EYS: variants seen among roughly 807,000 people sequenced by gnomAD.
The protein encoded by EYS is EGF-like photoreceptor maintenance factor.
EYS carries 250 observed loss-of-function variants against 282.1 expected under a neutral mutation model. The ratio of observed to expected loss-of-function variants is 0.89; its 90% confidence interval spans 0.80 to 0.98. The LOEUF (loss-of-function observed/expected upper bound fraction) is 0.98, where lower values mean the gene tolerates loss of function less well. Among genes scored for constraint, EYS ranks in the 50% least tolerant of loss-of-function variants. The probability of loss-of-function intolerance (pLI) is 0.00; values close to 1 mark genes in which losing one functional copy is unlikely to be tolerated. For missense variants in EYS, 4,016 were observed against 3,709.0 expected, an observed-to-expected ratio of 1.08 and a Z score of -2.15; for synonymous variants, 1,355 against 1,282.9, an observed-to-expected ratio of 1.06 and a Z score of -1.20.
chr6:65,441,747 G>A (rs1000345370), intron 5 of EYS, among the ~76,000 whole-genome samples: 5 of 152,172 alleles, frequency 3.3e-5, no homozygotes, highest in South Asian at 2.1e-4. Context: ...AGAACTTGAA[G>A]GGACTAAATA....
intron 1 of EYS, among the ~76,000 whole-genome samples, chr6:65,678,394 G>C (rs1424472942): frequency 1.3e-5 from 2 of 151,908 alleles, no homozygotes; most frequent in African/African-American, 4.8e-5. Context: ...ACATGCCAAA[G>C]ATATTCAGAT....
Position 65,004,520 on chromosome 6 carries a change from C to T in EYS, c.2138-6817G>A, listed in dbSNP as rs906145890. On this transcript the variant is annotated intron_variant, in intron 13 of 42. Transcript: ENST00000503581. ...GCACTCATTGACATTGATCTCACAG[C>T]GTGGACCTGAAAAGCTGGCACACTG... 8.8e-5 allele frequency among the ~76,000 whole-genome samples: 13 copies of T among 147,754 alleles called. 1 individual carries two copies. Among genetic ancestry groups the T allele is most frequent in the South Asian group, 2.2e-4 (1 of 4,556 alleles).
intron 12 of EYS, among the ~76,000 whole-genome samples, chr6:65,071,286 T>C (rs190067976): frequency 2.0e-5 from 3 of 151,986 alleles, no homozygotes; most frequent in Admixed American, 1.3e-4. Flanking sequence ...AAGTTGTTAG[T>C]ATATAAACTA....
At chr6:64,101,232 A>G (rs931185259) in intron 31 of EYS, among the ~76,000 whole-genome samples, 1 of 151,902 alleles carries the variant, frequency 6.6e-6, no homozygotes, top group Non-Finnish European at 1.5e-5. Context: ...GAAGGTTTTC[A>G]GACTATCTTC....
At chr6:64,012,461 C>A (rs559398176) in intron 33 of EYS, among the ~76,000 whole-genome samples, 2 of 152,244 alleles carry the variant, frequency 1.3e-5, no homozygotes, top group Admixed American at 6.5e-5. Flanking sequence ...GAGATGGAGG[C>A]ACTGAAAGGA....
intron 12 of EYS, among the ~76,000 whole-genome samples, chr6:65,176,815 T>C (rs950823689): frequency 6.6e-6 from 1 of 151,736 alleles, no homozygotes; most frequent in African/African-American, 2.4e-5. Flanking sequence ...TAACATCATT[T>C]GAAATTATTT....
At chr6:65,557,379 G>T (rs1297601116) in intron 2 of EYS, among the ~76,000 whole-genome samples, 1 of 152,210 alleles carries the variant, frequency 6.6e-6, no homozygotes, top group Non-Finnish European at 1.5e-5. Context: ...CTGCAGTGGG[G>T]CAGGCAGCTC....
intron 13 of EYS, among the ~76,000 whole-genome samples, chr6:65,022,448 G>C (rs1052378474): frequency 1.3e-5 from 2 of 152,088 alleles, no homozygotes; most frequent in Admixed American, 6.6e-5. Context: ...ATGACATCTT[G>C]GCTAGGCTGT....
chr6:65,499,845 A>C (rs1766385322), intron 2 of EYS, among the ~76,000 whole-genome samples: 1 of 151,866 alleles, frequency 6.6e-6, no homozygotes. Flanking sequence ...TTAAGGGAGT[A>C]GTGACTGACT....
intron 14 of EYS, among the ~76,000 whole-genome samples, chr6:64,977,325 T>C (rs958770113): frequency 1.3e-5 from 2 of 152,076 alleles, no homozygotes; most frequent in Middle Eastern, 3.4e-3. Flanking sequence ...TTTTTTATGT[T>C]ACTATTGAAG....
At chr6:63,936,123 C>T (rs1393013562) in intron 35 of EYS, among the ~76,000 whole-genome samples, 1 of 152,182 alleles carries the variant, frequency 6.6e-6, no homozygotes, top group Non-Finnish European at 1.5e-5. Flanking sequence ...GATGCCTGCT[C>T]AGGAATCTGC....
At chr6:64,429,685 T>A (rs1025301736) in intron 28 of EYS, among the ~76,000 whole-genome samples, 1 of 152,174 alleles carries the variant, frequency 6.6e-6, no homozygotes, top group African/African-American at 2.4e-5. Flanking sequence ...TCTAATTAAC[T>A]GGCCTATATA....
At chr6:65,687,300 A>G (rs1391173074) in intron 1 of EYS, among the ~76,000 whole-genome samples, 2 of 152,104 alleles carry the variant, frequency 1.3e-5, no homozygotes, top group Admixed American at 1.3e-4. Flanking sequence ...ACTCAAGACA[A>G]TATTTCAGGA....
intron 35 of EYS, 122 bp downstream of exon 35, chr6:63,984,261 A>C (rs191877539): frequency 1.2e-4 from 83 of 696,728 alleles, no homozygotes; most frequent in Non-Finnish European, 8.9e-5. Context: ...TGATGCATAG[A>C]AAAACTTGAG....
intron 12 of EYS, among the ~76,000 whole-genome samples, chr6:65,080,235 G>C (rs1351280693): frequency 6.6e-6 from 1 of 152,066 alleles, no homozygotes; most frequent in Non-Finnish European, 1.5e-5. Context: ...GTTGTCCTCA[G>C]AGTAGTATTA....
intron 35 of EYS, among the ~76,000 whole-genome samples, chr6:63,921,985 A>T (rs1562097034): frequency 6.6e-6 from 1 of 152,194 alleles, no homozygotes; most frequent in South Asian, 2.1e-4. Flanking sequence ...GGCCTAACCT[A>T]ATAAGACTGT....
At chr6:64,199,737 A>G (rs1562250080) in intron 31 of EYS, among the ~76,000 whole-genome samples, 1 of 152,204 alleles carries the variant, frequency 6.6e-6, no homozygotes, top group Non-Finnish European at 1.5e-5. Flanking sequence ...ACAAGAAAAA[A>G]AAATCAAAAA....
Position 64,997,589 on chromosome 6 carries a change from A to G in EYS, c.2252T>C (p.Leu751Pro). 6.4e-7 allele frequency: 1 copy of G among 1,550,932 alleles called. No homozygotes were observed. The highest frequency in any genetic ancestry group is 8.7e-7 in the Non-Finnish European group (1 of 1,146,366). The change falls in exon 14 of 43, where the codon CTG becomes CCG. Residue 751 changes from leucine to proline, a missense_variant. Transcript: ENST00000503581. ...AAGCCAGTGGATACTAACGAGATGCAGGTCTTTGCAGGTAGAATTGTGCTC... is the reference window on the plus strand; with the variant it reads ...AAGCCAGTGGATACTAACGAGATGCGGGTCTTTGCAGGTAGAATTGTGCTC... ...ACEHNSTCKDLHLSYQCVCLS... is the reference protein window; with the variant it reads ...ACEHNSTCKDPHLSYQCVCLS...
chr6:64,943,930 T>A (rs934240955), intron 15 of EYS, among the ~76,000 whole-genome samples: 1 of 152,092 alleles, frequency 6.6e-6, no homozygotes, highest in Non-Finnish European at 1.5e-5. Flanking sequence ...GATGGAGGCA[T>A]CATGTTACCT....
Sources: gnomAD v4.1 joint callset for allele counts (sites outside exome capture counted in the v4.1 genomes callset) on GRCh38, gnomAD v4.1.1 for gene constraint, MANE v1.5 for transcripts, NCBI Gene and HGNC (gene_info 2026-07-23, HGNC 2026-07-21) for gene names.